Variants in GLT8D2 observed in about 807,000 individuals in gnomAD.
The protein encoded by GLT8D2 is glycosyltransferase 8 domain-containing protein 2.
GLT8D2 carries 45 observed loss-of-function variants against 44.5 expected under a neutral mutation model. The observed-to-expected ratio is 1.01, with a 90% CI of 0.80 to 1.30. GLT8D2 has a LOEUF of 1.30. Ranked by LOEUF, GLT8D2 falls within the 50% of genes most tolerant of loss-of-function variation. GLT8D2 has a pLI of 0.00. For synonymous variants in GLT8D2, 156 were observed against 157.2 expected, an observed-to-expected ratio of 0.99 and a Z score of 0.06; for missense variants, 400 against 430.4, an observed-to-expected ratio of 0.93 and a Z score of 0.62.
chr12:103,999,376 A>C, intron 6 of GLT8D2, 21 bp downstream of exon 6: 2 of 1,342,576 alleles, frequency 1.5e-6, no homozygotes, highest in East Asian at 4.6e-5. Context: ...TGTCCCCAGC[A>C]CCTGTGTGGT....
chr12:104,045,852 C>A (rs1881019535), intron 1 of GLT8D2, among the ~76,000 whole-genome samples: 1 of 137,998 alleles, frequency 7.2e-6, no homozygotes, highest in African/African-American at 2.8e-5. Flanking sequence ...AAATCTGAAG[C>A]CATCACTAGA....
At chr12:104,007,605 C>G (rs965584827) in intron 4 of GLT8D2, among the ~76,000 whole-genome samples, 2 of 152,168 alleles carry the variant, frequency 1.3e-5, no homozygotes, top group Admixed American at 6.5e-5. Context: ...AGTATTTGAT[C>G]ACTATTTGAT....
intron 1 of GLT8D2, among the ~76,000 whole-genome samples, chr12:104,024,940 C>T (rs1878365994): frequency 6.6e-6 from 1 of 151,626 alleles, no homozygotes; most frequent in African/African-American, 2.4e-5. Flanking sequence ...CGTGGTGGTG[C>T]AGGTCTGCAA....
intron 1 of GLT8D2, among the ~76,000 whole-genome samples, chr12:104,027,059 C>A (rs969395812): frequency 6.6e-6 from 1 of 152,226 alleles, no homozygotes; most frequent in Non-Finnish European, 1.5e-5. Context: ...TAGGAAAACT[C>A]TTCAACAGAG....
At chr12:104,008,865 C>G (rs1715693710) in intron 4 of GLT8D2, among the ~76,000 whole-genome samples, 1 of 152,264 alleles carries the variant, frequency 6.6e-6, no homozygotes, top group African/African-American at 2.4e-5. Context: ...AGCCCCAAGC[C>G]TTGGCAGCTT....
upstream of GLT8D2, among the ~76,000 whole-genome samples, chr12:104,054,690 G>A (rs976987092): frequency 6.6e-6 from 1 of 152,064 alleles, no homozygotes; most frequent in Non-Finnish European, 1.5e-5. Flanking sequence ...TGGCACGTGA[G>A]CAGACATCTG....
At chr12:103,998,542 C>T (rs549673958) in intron 6 of GLT8D2, among the ~76,000 whole-genome samples, 9 of 152,082 alleles carry the variant, frequency 5.9e-5, no homozygotes, top group South Asian at 2.1e-4. Flanking sequence ...CCCGAGTAGC[C>T]GGGGCTACAG....
intron 2 of GLT8D2, among the ~76,000 whole-genome samples, 161 bp downstream of exon 2, chr12:104,021,196 T>C (rs1877573120): frequency 6.6e-6 from 1 of 152,180 alleles, no homozygotes; most frequent in Non-Finnish European, 1.5e-5. Context: ...GAGAAAGCTA[T>C]CTGTTATGAA....
At chr12:104,003,030 G>T (rs1874442449) in intron 5 of GLT8D2, 105 bp downstream of exon 5, 1 of 781,664 alleles carries the variant, frequency 1.3e-6, no homozygotes, top group Non-Finnish European at 2.1e-6. Context: ...GGGAGAGAAG[G>T]CAAGAAAGAA....
intron 5 of GLT8D2, 75 bp downstream of exon 5, chr12:104,003,060 T>TAGGGAGGGAGGGAGGG (rs374136564): frequency 3.0e-6 from 3 of 994,892 alleles, no homozygotes; most frequent in Non-Finnish European, 1.4e-6. Context: ...GAAGAAGAGG[T>TAGGGAGGGAGGGAGGG]AGGGAGGGAG....
chr12:104,015,436 A>ACACACACACACACACACAC (rs1555278722), intron 3 of GLT8D2, among the ~76,000 whole-genome samples: 1 of 148,354 alleles, frequency 6.7e-6, no homozygotes, highest in Non-Finnish European at 1.5e-5. Flanking sequence ...ACACACACAC[A>ACACACACACACACACACAC]AATTAGCTGG....
intron 1 of GLT8D2, among the ~76,000 whole-genome samples, chr12:104,027,752 G>C (rs1878755095): frequency 6.6e-6 from 1 of 152,180 alleles, no homozygotes; most frequent in Non-Finnish European, 1.5e-5. Flanking sequence ...TTGTGGCTCG[G>C]AGAGGTTCAG....
chr12:104,016,825 G>GC (rs1876847058), intron 3 of GLT8D2, among the ~76,000 whole-genome samples: 1 of 50,326 alleles, frequency 2.0e-5, no homozygotes, highest in Non-Finnish European at 4.1e-5. Flanking sequence ...GAAAGAGAAA[G>GC]AAAAGAAAGA....
At position 104,032,491 on chromosome 12, in the gene GLT8D2, AT is replaced by A. The variant is rs1429575212; in HGVS notation, c.-163-11001del. On this transcript the variant is annotated intron_variant, in intron 1 of 10. Coordinates refer to ENST00000360814, the MANE Select transcript of GLT8D2 (RefSeq NM_001384711.1). Reference sequence around the variant, plus strand: ...CAAAAAAAAAAAAAAAAAAAAAAAAATAGGCAAAGGACCAGAATAGACATTT... The same window carrying A: ...CAAAAAAAAAAAAAAAAAAAAAAAAAAGGCAAAGGACCAGAATAGACATTT... Among the ~76,000 whole-genome samples, 721 of 133,514 alleles carry A rather than the reference AT, an allele frequency of 5.4e-3. 9 individuals are homozygous for A. The highest frequency in any genetic ancestry group is 9.4e-3 in the Non-Finnish European group (574 of 61,012). 87.6% of individuals were successfully genotyped at this position (133,514 alleles called of 152,430 possible).
chr12:103,990,501 C>T (rs2723850), intron 10 of GLT8D2, among the ~76,000 whole-genome samples: 136,576 of 152,210 alleles, frequency 0.9, 61,358 homozygotes, highest in East Asian at 1. Context: ...ATTAAGGTGG[C>T]GTGAATGTAC....
rs1877755530 is a variant in GLT8D2, at chr12:104,021,915, GAAGAA to G, written c.-163-429_-163-425del. On this transcript the variant is annotated intron_variant, in intron 1 of 10. Coordinates refer to ENST00000360814, the MANE Select transcript of GLT8D2 (RefSeq NM_001384711.1). ...AGAAGAAGAAGAAGAAGAAGAAGAA[GAAGAA>G]GAAGAAGAAGAAGAAGAAGAAGAAG... is the stretch of plus-strand genomic sequence containing the variant. 3.7e-4 allele frequency among the ~76,000 whole-genome samples: 7 copies of G among 18,910 alleles called. No homozygotes were observed. In the East Asian group the frequency reaches 0.019, roughly 51 times the overall value. 12.4% of individuals were successfully genotyped at this position (18,910 alleles called of 152,430 possible).
chr12:104,038,400 C>A (rs563757017), intron 1 of GLT8D2, among the ~76,000 whole-genome samples: 11 of 152,180 alleles, frequency 7.2e-5, no homozygotes, highest in Admixed American at 5.9e-4. Flanking sequence ...AAAACCCCAT[C>A]GTCTCAGCCC....
Position 104,019,640 on chromosome 12 carries a change from C to G in GLT8D2, c.9G>C (p.Leu3=), listed in dbSNP as rs747158624. The change falls in exon 3 of 11, where the codon CTG becomes CTC. Residue 3 remains leucine (L), a synonymous_variant. Coordinates refer to ENST00000360814, the MANE Select transcript of GLT8D2 (RefSeq NM_001384711.1). ...AAGTTGAAATCTTACTTTTTCGTAACAGAGCCATGTGTATTCACGCGGATA... is the reference window on the plus strand; with the variant it reads ...AAGTTGAAATCTTACTTTTTCGTAAGAGAGCCATGTGTATTCACGCGGATA... The part of the protein sequence containing the change: MA[L]LRKINQVLLF... 4 of 1,610,144 alleles carry G rather than the reference C, an allele frequency of 2.5e-6. No homozygotes were observed. Among genetic ancestry groups the G allele is most frequent in the Non-Finnish European group, 3.4e-6 (4 of 1,177,264 alleles).
chr12:104,064,256 C>A, upstream of GLT8D2: 1 of 320,112 alleles, frequency 3.1e-6, no homozygotes, highest in Non-Finnish European at 5.7e-6. The surrounding 1 kb of genome is among the most constrained non-coding windows in gnomAD (Gnocchi z 7.3). Flanking sequence ...GGCTTCTTCC[C>A]AAAATACCGA....
Sources: gnomAD v4.1 joint callset for allele counts (sites outside exome capture counted in the v4.1 genomes callset) on GRCh38, gnomAD v4.1.1 for gene constraint, Gnocchi (gnomAD v3.1) non-coding constraint, MANE v1.5 for transcripts, NCBI Gene and HGNC (gene_info 2026-07-23, HGNC 2026-07-21) for gene names.